The following SHANK2 variants were observed in gnomAD, a reference collection of about 807,000 sequenced individuals.
The protein encoded by SHANK2 is SH3 and multiple ankyrin repeat domains 2, also known as SH3 and multiple ankyrin repeat domains protein 2.
A neutral mutation model predicts 133.7 loss-of-function variants in SHANK2; 43 were observed. The observed-to-expected ratio is 0.32, with a 90% confidence interval of 0.25 to 0.41. The LOEUF (loss-of-function observed/expected upper bound fraction) is 0.41, where lower values mean the gene tolerates loss of function less well. Among genes scored for constraint, SHANK2 ranks in the 10% least tolerant of loss-of-function variants. The pLI, the probability that SHANK2 is intolerant of heterozygous loss-of-function variation, is 1.00. For missense variants in SHANK2, 1,994 were observed against 2,235.8 expected (o/e 0.89, Z 2.18); for synonymous variants, 1,017 against 952.8 (o/e 1.07, Z -1.24).
chr11:70,600,124 G>T (rs1161987817), intron 17 of SHANK2, among the ~76,000 whole-genome samples: 1 of 151,968 alleles, frequency 6.6e-6, no homozygotes, highest in Non-Finnish European at 1.5e-5. Flanking sequence ...AAGCTGATTG[G>T]AAAATACATA....
At chr11:70,757,854 T>C (rs546971836) in intron 14 of SHANK2, among the ~76,000 whole-genome samples, 108 of 152,168 alleles carry the variant, frequency 7.1e-4, no homozygotes, top group Non-Finnish European at 1.4e-3. Context: ...CCAGGGTTGC[T>C]ACAACAAATG....
chr11:70,805,654 T>C lies in SHANK2; in HGVS notation c.1663+1348A>G, dbSNP rs140152543. Among the ~76,000 whole-genome samples the C allele has an allele frequency of 6.4e-4, 97 of 152,174 alleles. 1 individual carries two copies. The highest frequency in any genetic ancestry group is 2.3e-3 in the African/African-American group (96 of 41,514). On this transcript the variant is annotated intron_variant, in intron 13 of 25. Coordinates refer to ENST00000601538, the MANE Select transcript of SHANK2 (RefSeq NM_012309.5). ...GCAATTACACCAACCTACAGTGTTG[T>C]AAAAACAAAACAAAAAACTAAGTTT...
intron 5 of SHANK2, among the ~76,000 whole-genome samples, chr11:71,111,206 A>G (rs1951886877): frequency 6.6e-6 from 1 of 152,238 alleles, no homozygotes. Flanking sequence ...CGTAAGAGAC[A>G]GCTGGGCCGC....
intron 14 of SHANK2, among the ~76,000 whole-genome samples, chr11:70,766,741 G>A (rs1278282265): frequency 6.6e-6 from 1 of 152,090 alleles, no homozygotes; most frequent in Non-Finnish European, 1.5e-5. Flanking sequence ...TGTACCTGTC[G>A]ATTTTCCTCT....
chr11:71,181,433 T>C (rs572855801), intron 2 of SHANK2, among the ~76,000 whole-genome samples: 1 of 151,222 alleles, frequency 6.6e-6, no homozygotes, highest in East Asian at 2.0e-4. Context: ...AGCCCAGGAG[T>C]TCAGGGCCAA....
rs1343824347 is a variant in SHANK2 at position 71,199,019 on chromosome 11, G to A, written c.-13+25678C>T. ...CATGCCGCAATGGACACGGGGCGGA[G>A]GCGTATTCAATGATGTGGCCCGGAG... On this transcript the variant is annotated intron_variant, in intron 2 of 25. Coordinates refer to ENST00000601538, the MANE Select transcript of SHANK2 (RefSeq NM_012309.5). Among the ~76,000 whole-genome samples, 7 of 152,206 alleles carry A rather than the reference G, an allele frequency of 4.6e-5. No individual in the cohort carries two copies. In the East Asian group the frequency reaches 1.3e-3, roughly 29 times the overall value.
chr11:70,751,946 A>C (rs1946757010), intron 14 of SHANK2, among the ~76,000 whole-genome samples: 1 of 152,220 alleles, frequency 6.6e-6, no homozygotes, highest in Non-Finnish European at 1.5e-5. Flanking sequence ...ATTATCGGGA[A>C]AGAAAAATAG....
intron 2 of SHANK2, among the ~76,000 whole-genome samples, chr11:71,172,610 AAAG>A (rs1953340799): frequency 1.3e-5 from 2 of 151,230 alleles, no homozygotes; most frequent in Admixed American, 6.6e-5. Context: ...AAAAAAAAAA[AAAG>A]AAAAAAAGAA....
chr11:70,902,778 G>GC (rs1555077034), intron 10 of SHANK2, among the ~76,000 whole-genome samples: 1 of 152,164 alleles, frequency 6.6e-6, no homozygotes, highest in African/African-American at 2.4e-5. Flanking sequence ...AAAGCCCCCT[G>GC]CAAGAGTTGG....
chr11:70,755,797 G>GAACGCC (rs1946857685), intron 14 of SHANK2, among the ~76,000 whole-genome samples: 1 of 152,254 alleles, frequency 6.6e-6, no homozygotes, highest in Non-Finnish European at 1.5e-5. Context: ...CAGATTCCTG[G>GAACGCC]AACGCCGCGG....
intron 17 of SHANK2, among the ~76,000 whole-genome samples, chr11:70,528,595 C>T (rs575229081): frequency 1.3e-5 from 2 of 152,240 alleles, no homozygotes; most frequent in South Asian, 4.1e-4. Flanking sequence ...GCTCCTGCAT[C>T]CTGATGAAGG....
In SHANK2 at chr11:70,486,339, G is replaced by A. The variant is rs1423495602; in HGVS notation, c.3954C>T (p.Thr1318=). ...CGTTGTCCAGCTTAGTGGCGTCCAC[G>A]GTGTGCACCATCAGCAGGCCAGCCG... ...QKSAGLLMVH[T]VDATKLDNAL... The change falls in exon 25 of 26, where the codon ACC becomes ACT. Residue 1318 remains threonine, a synonymous_variant. Transcript: ENST00000601538. This position sits in a 1 kb window ranked among gnomAD's most constrained non-coding sequence, Gnocchi z 8.0. 39 of 1,613,752 alleles carry A rather than the reference G, an allele frequency of 2.4e-5. No homozygotes were observed. The highest frequency in any genetic ancestry group is 5.3e-5 in the African/African-American group (4 of 74,912).
chr11:70,725,284 T>C (rs1200302311), intron 14 of SHANK2, among the ~76,000 whole-genome samples: 2 of 152,244 alleles, frequency 1.3e-5, no homozygotes. Context: ...CAGCAACATT[T>C]AACTTATTTG....
chr11:71,118,170 A>T (rs1312121780), intron 4 of SHANK2, among the ~76,000 whole-genome samples: 9 of 152,188 alleles, frequency 5.9e-5, no homozygotes, highest in African/African-American at 1.9e-4. Context: ...AGCCTGAATC[A>T]GACCCACGGT....
At chr11:70,678,589 G>C (rs1273137399) in intron 15 of SHANK2, among the ~76,000 whole-genome samples, 2 of 136,722 alleles carry the variant, frequency 1.5e-5, no homozygotes, top group Non-Finnish European at 3.1e-5. Flanking sequence ...CCAGGCTGGA[G>C]AGCAGTGCAG....
intron 17 of SHANK2, among the ~76,000 whole-genome samples, chr11:70,516,756 A>G (rs1241402490): frequency 6.6e-6 from 1 of 152,210 alleles, no homozygotes; most frequent in Non-Finnish European, 1.5e-5. Context: ...TTACATCTCA[A>G]CAGTAAGAAA....
intron 3 of SHANK2, 132 bp from the exon 4 acceptor site, chr11:71,119,164 G>A (rs1332036319): frequency 2.5e-5 from 17 of 675,450 alleles, no homozygotes; most frequent in Non-Finnish European, 3.5e-5. Flanking sequence ...GTGAACCCAC[G>A]GCTTTTCACA....
chr11:71,244,923 C>T (rs929486097), intron 1 of SHANK2, among the ~76,000 whole-genome samples: 1 of 152,026 alleles, frequency 6.6e-6, no homozygotes, highest in African/African-American at 2.4e-5. Flanking sequence ...AGGCTGGTCT[C>T]GAACTCCTGA....
chr11:70,854,964 G>A (rs1314398278), intron 11 of SHANK2, among the ~76,000 whole-genome samples: 2 of 152,184 alleles, frequency 1.3e-5, no homozygotes, highest in South Asian at 2.1e-4. Flanking sequence ...GTTCACCCAC[G>A]ACTATCAGAA....
Sources: gnomAD v4.1 joint callset for allele counts (sites outside exome capture counted in the v4.1 genomes callset) on GRCh38, gnomAD v4.1.1 for gene constraint, Gnocchi (gnomAD v3.1) non-coding constraint, MANE v1.5 for transcripts, NCBI Gene and HGNC (gene_info 2026-07-23, HGNC 2026-07-21) for gene names.